The following TMTC2 variants were observed in gnomAD, a reference collection of about 807,000 sequenced individuals.
TMTC2 encodes the protein protein O-mannosyl-transferase TMTC2.
TMTC2 carries 43 observed loss-of-function variants against 82.4 expected under a neutral mutation model. That is an observed-to-expected ratio of 0.52 (90% CI 0.41 to 0.67). The LOEUF is 0.67. Ranked by LOEUF, TMTC2 falls within the 30% of genes least tolerant of loss-of-function variation. The probability of loss-of-function intolerance (pLI) is 0.00; values close to 1 mark genes in which losing one functional copy is unlikely to be tolerated. For synonymous variants in TMTC2, 408 were observed against 381.9 expected, an observed-to-expected ratio of 1.07 and a Z score of -0.80; for missense variants, 919 against 1,012.4, an observed-to-expected ratio of 0.91 and a Z score of 1.25.
At chr12:82,766,454 CAA>C (rs1876967311) in intron 1 of TMTC2, among the ~76,000 whole-genome samples, 1 of 152,196 alleles carries the variant, frequency 6.6e-6, no homozygotes, top group East Asian at 1.9e-4. Context: ...GAAGAGTTGA[CAA>C]ACATCTGCCT....
At chr12:82,853,939 T>TG (rs1371431599) in intron 1 of TMTC2, among the ~76,000 whole-genome samples, 2 of 147,904 alleles carry the variant, frequency 1.4e-5, no homozygotes, top group African/African-American at 5.2e-5. Flanking sequence ...TGGCAGTTGT[T>TG]TTTTTTTTTC....
chr12:82,975,742 ACAC>A, intron 7 of TMTC2, among the ~76,000 whole-genome samples: 1 of 22,900 alleles, frequency 4.4e-5, no homozygotes, highest in Non-Finnish European at 1.0e-4. Context: ...GGCTTCCATT[ACAC>A]TCTTTTGACT....
chr12:83,042,906 G>T (rs1013286705), intron 9 of TMTC2, among the ~76,000 whole-genome samples: 2 of 152,152 alleles, frequency 1.3e-5, no homozygotes, highest in African/African-American at 2.4e-5. Context: ...GGGCCTCCCA[G>T]TCTCACAATA....
chr12:82,790,032 T>C (rs1878382166), intron 1 of TMTC2, among the ~76,000 whole-genome samples: 1 of 151,932 alleles, frequency 6.6e-6, no homozygotes, highest in Non-Finnish European at 1.5e-5. Flanking sequence ...TGAGACCTCA[T>C]CTCTACAAAA....
At chr12:82,817,820 T>A (rs939129977) in intron 1 of TMTC2, among the ~76,000 whole-genome samples, 1 of 152,186 alleles carries the variant, frequency 6.6e-6, no homozygotes, top group African/African-American at 2.4e-5. Flanking sequence ...TTGCCTTTTG[T>A]GTCTCTTCAT....
chr12:83,072,177 C>T lies in TMTC2; in HGVS notation c.2331+10346C>T, dbSNP rs145277378. Reference sequence around the variant, plus strand: ...AACTTTCCTCTTAGCGCTGCTTTTGCTGTATCCCTGAGGTTTTGATAGGTT... The same window carrying T: ...AACTTTCCTCTTAGCGCTGCTTTTGTTGTATCCCTGAGGTTTTGATAGGTT... On this transcript the variant is annotated intron_variant, in intron 11 of 11. Transcript: ENST00000321196. Among the ~76,000 whole-genome samples the T allele has an allele frequency of 1.0e-3, 153 of 152,196 alleles. No homozygotes were observed. The East Asian group carries it at 0.019, about 19-fold the overall frequency.
intron 1 of TMTC2, among the ~76,000 whole-genome samples, chr12:82,714,317 T>C (rs1227333281): frequency 2.0e-5 from 3 of 152,222 alleles, no homozygotes; most frequent in Non-Finnish European, 4.4e-5. Context: ...AAAATAAATA[T>C]TTAGAAAGTT....
At chr12:82,876,044 G>GAT in intron 2 of TMTC2, among the ~76,000 whole-genome samples, 11 of 123,838 alleles carry the variant, frequency 8.9e-5, no homozygotes, top group African/African-American at 3.2e-4. Flanking sequence ...TGGTGGTGGT[G>GAT]GTGGTGGTGG....
At chr12:83,128,399 CT>C (rs1592512840) in intron 11 of TMTC2, among the ~76,000 whole-genome samples, 1 of 151,424 alleles carries the variant, frequency 6.6e-6, no homozygotes, top group African/African-American at 2.4e-5. Context: ...TCATTTATGG[CT>C]TCTGCTTAAA....
chr12:82,922,138 C>T (rs569177224), intron 3 of TMTC2, among the ~76,000 whole-genome samples: 7 of 152,184 alleles, frequency 4.6e-5, no homozygotes, highest in African/African-American at 1.7e-4. Flanking sequence ...GTTATTTACA[C>T]TTCATCACAC....
intron 7 of TMTC2, among the ~76,000 whole-genome samples, chr12:82,971,564 T>A (rs931609330): frequency 2.0e-5 from 3 of 152,114 alleles, no homozygotes; most frequent in African/African-American, 7.2e-5. Context: ...ATTATTTTTA[T>A]CTGTTTGAGC....
intron 2 of TMTC2, among the ~76,000 whole-genome samples, chr12:82,864,694 G>A (rs1222877390): frequency 2.7e-5 from 4 of 150,820 alleles, no homozygotes; most frequent in East Asian, 2.0e-4. Flanking sequence ...GTAGAGATGG[G>A]GCTTCACCAT....
intron 1 of TMTC2, among the ~76,000 whole-genome samples, chr12:82,817,505 C>G (rs1415207355): frequency 6.6e-6 from 1 of 152,042 alleles, no homozygotes; most frequent in Non-Finnish European, 1.5e-5. Context: ...GACAGAAGGC[C>G]ATTTCTGCTG....
intron 8 of TMTC2, among the ~76,000 whole-genome samples, chr12:82,988,563 A>G (rs1879268652): frequency 6.6e-6 from 1 of 152,016 alleles, no homozygotes; most frequent in Non-Finnish European, 1.5e-5. Flanking sequence ...CAGCTTGCAC[A>G]GTTGAAGGCA....
Position 82,866,803 on chromosome 12 carries a change from T to C in TMTC2, c.654+9223T>C, listed in dbSNP as rs567479999. On this transcript the variant is annotated intron_variant, in intron 2 of 11. Transcript: ENST00000321196. Reference sequence around the variant, plus strand: ...GATAACTTATTGTTGATTTATCGAATGAAATTTTATAGAAAGCCAGATTCC... The same window carrying C: ...GATAACTTATTGTTGATTTATCGAACGAAATTTTATAGAAAGCCAGATTCC... 1.4e-3 allele frequency among the ~76,000 whole-genome samples: 215 copies of C among 152,320 alleles called. 2 individuals are homozygous for C. Among genetic ancestry groups the C allele is most frequent in the African/African-American group, 4.7e-3 (196 of 41,570 alleles).
intron 1 of TMTC2, among the ~76,000 whole-genome samples, chr12:82,749,848 C>T (rs1319029599): frequency 6.6e-6 from 1 of 151,680 alleles, no homozygotes; most frequent in East Asian, 1.9e-4. Context: ...AGCAATTCTC[C>T]TGCCTCTGCT....
intron 3 of TMTC2, among the ~76,000 whole-genome samples, chr12:82,910,814 C>T (rs561968587): frequency 6.4e-4 from 97 of 152,122 alleles, no homozygotes; most frequent in African/African-American, 2.2e-3. Context: ...CAGATGTGTT[C>T]CTCTTGCCAT....
intron 1 of TMTC2, among the ~76,000 whole-genome samples, chr12:82,847,304 G>A (rs1036397570): frequency 6.6e-6 from 1 of 152,128 alleles, no homozygotes; most frequent in African/African-American, 2.4e-5. Context: ...AGTGGCCTGA[G>A]TGAACCACTT....
At chr12:83,066,747 T>A (rs1274211956) in intron 11 of TMTC2, among the ~76,000 whole-genome samples, 1 of 151,982 alleles carries the variant, frequency 6.6e-6, no homozygotes, top group Non-Finnish European at 1.5e-5. Flanking sequence ...AGATAATTAG[T>A]TGGCCACCAT....
Sources: allele counts gnomAD v4.1 joint callset (sites outside exome capture counted in the v4.1 genomes callset), GRCh38; gene constraint gnomAD v4.1.1; transcripts MANE v1.5; gene names NCBI Gene and HGNC (gene_info 2026-07-23, HGNC 2026-07-21).